SP140: variants seen among roughly 807,000 people sequenced by gnomAD.
The protein encoded by SP140 is SP140 nuclear body protein, also known as nuclear body protein SP140.
Under a neutral mutation model 125.0 loss-of-function variants are expected in SP140, and 81 were observed. That is an observed-to-expected ratio of 0.65 (90% CI 0.54 to 0.78). SP140 has a LOEUF of 0.78. SP140 is among the 30% of genes least tolerant of loss of function. The pLI is 0.00. For missense variants in SP140, 858 were observed against 1,037.0 expected, an observed-to-expected ratio of 0.83 and a Z score of 2.37; for synonymous variants, 312 against 354.0, an observed-to-expected ratio of 0.88 and a Z score of 1.33.
chr2:230,288,181 G>A (rs535029523), intron 18 of SP140: 45 of 468,144 alleles, frequency 9.6e-5, no homozygotes, highest in African/African-American at 7.9e-4. Flanking sequence ...CAGGGGCCCA[G>A]GGGCCACTAA....
upstream of SP140, chr2:230,202,754 A>C (rs200718758): frequency 2.4e-5 from 38 of 1,613,644 alleles, no homozygotes; most frequent in Non-Finnish European, 2.7e-5. Flanking sequence ...ACTTGTTAAT[A>C]GTTTAAATTG....
At chr2:230,311,130 A>G (rs2059296565) in intron 24 of SP140, 24 bp from the exon 25 acceptor site, 1 of 1,608,620 alleles carries the variant, frequency 6.2e-7, no homozygotes, top group Non-Finnish European at 8.5e-7. Context: ...GCTGCTTTTC[A>G]TTTACGGCCT....
At chr2:230,267,758 A>C (rs1448638132) in intron 12 of SP140, among the ~76,000 whole-genome samples, 1 of 152,250 alleles carries the variant, frequency 6.6e-6, no homozygotes, top group Non-Finnish European at 1.5e-5. Context: ...GGTGTGTTCC[A>C]CATGAATGAA....
At chr2:230,310,132 A>G in intron 23 of SP140, 93 bp downstream of exon 23, 1 of 1,232,494 alleles carries the variant, frequency 8.1e-7, no homozygotes, top group Admixed American at 2.0e-5. Flanking sequence ...TTGTGTCTAG[A>G]TGGGGAAAGA....
intron 15 of SP140, among the ~76,000 whole-genome samples, chr2:230,280,942 C>T (rs1385791221): frequency 1.3e-5 from 2 of 151,926 alleles, no homozygotes; most frequent in African/African-American, 2.4e-5. Context: ...GTTGGGTGTA[C>T]AACTTTTTCT....
rs149819977 is a variant in SP140 at position 230,244,971 on chromosome 2, G to T, written c.572-17G>T. On this transcript the variant is annotated splice_polypyrimidine_tract_variant and intron_variant, in intron 5 of 26. Coordinates refer to ENST00000392045, the MANE Select transcript of SP140 (RefSeq NM_007237.5). ...CTGAGGTCTGTGCTCTCATCACTGT[G>T]CCTTGTTTATTTCCAGGTTTCTCTT... 2.4e-4 allele frequency: 377 copies of T among 1,586,776 alleles called. 1 individual carries two copies. The East Asian group carries it at 3.1e-3, about 13-fold the overall frequency.
Position 230,245,867 on chromosome 2 carries a change from C to G in SP140, c.669C>G (p.Ser223=). 1 of 1,599,470 alleles carries G rather than the reference C, an allele frequency of 6.3e-7. No homozygotes were observed. The highest frequency in any genetic ancestry group is 8.6e-7 in the Non-Finnish European group (1 of 1,166,708). ...TGTTCCTCTTTCACTCTGCAGTGTC[C>G]TGTAAACTTGCTATACAAATAGATG... is the stretch of plus-strand genomic sequence containing the variant. ...APSLLPGGGV[S]CKLAIQIDEG... is the part of the protein sequence containing the mutation. The change falls in exon 7 of 27, where the codon TCC becomes TCG. Residue 223 remains serine, a synonymous_variant. Coordinates refer to ENST00000392045, the MANE Select transcript of SP140 (RefSeq NM_007237.5).
intron 5 of SP140, 84 bp downstream of exon 5, chr2:230,243,895 C>A: frequency 1.1e-6 from 1 of 927,434 alleles, no homozygotes. Flanking sequence ...ATGCATTTTA[C>A]TCTGAGTACA....
At chr2:230,290,774 C>A (rs917695446) in intron 19 of SP140, among the ~76,000 whole-genome samples, 5 of 152,136 alleles carry the variant, frequency 3.3e-5, no homozygotes, top group African/African-American at 1.2e-4. Context: ...CCAGAGGGTG[C>A]CCAAAGAACC....
intron 9 of SP140, among the ~76,000 whole-genome samples, chr2:230,249,868 C>A (rs1025247151): frequency 6.6e-6 from 1 of 152,112 alleles, no homozygotes; most frequent in Non-Finnish European, 1.5e-5. Flanking sequence ...TCCAGGCCCC[C>A]CTAGGTAGAC....
chr2:230,190,259 G>A, the SP140 span, among the ~76,000 whole-genome samples: 1 of 152,180 alleles, frequency 6.6e-6, no homozygotes, highest in East Asian at 1.9e-4. Context: ...ACTGGCATGA[G>A]ATGGTCTCTC....
intron 1 of SP140, among the ~76,000 whole-genome samples, chr2:230,229,456 CTTTTTTTTTTTTTTTT>C (rs1163771237): frequency 1.7e-5 from 1 of 57,612 alleles, no homozygotes; most frequent in South Asian, 6.6e-4. Flanking sequence ...TGAAGAAATT[CTTTTTTTTTTTTTTTT>C]TTTTTTTTTT....
rs140739193 is a variant in SP140, at chr2:230,241,271, A to T, written c.407-133A>T. On this transcript the variant is annotated intron_variant, in intron 3 of 26. Coordinates refer to ENST00000392045, the MANE Select transcript of SP140 (RefSeq NM_007237.5). Reference sequence around the variant, plus strand: ...AGATATGTGCCTCTCAATGAAAAAAAGGGGAACAAGGCTCTGTTGGACCTC... The same window carrying T: ...AGATATGTGCCTCTCAATGAAAAAATGGGGAACAAGGCTCTGTTGGACCTC... The T allele has an allele frequency of 8.5e-4, 561 of 658,862 alleles. 2 individuals are homozygous for T. Among genetic ancestry groups the T allele is most frequent in the African/African-American group, 7.7e-3 (417 of 54,320 alleles). 40.8% of individuals were successfully genotyped at this position (658,862 alleles called of 1,614,324 possible). A position where few individuals can be genotyped will look rare whatever the true frequency, so the allele number is the denominator to read the frequency against.
chr2:230,276,246 T>C (rs1307540388), intron 15 of SP140, among the ~76,000 whole-genome samples: 1 of 152,136 alleles, frequency 6.6e-6, no homozygotes, highest in African/African-American at 2.4e-5. Flanking sequence ...GTTTCAAAGC[T>C]CCACAGAACA....
At position 230,269,841 on chromosome 2, in the gene SP140, G is replaced by A. The variant is rs760297111; in HGVS notation, c.1332G>A (p.Ala444=). The change falls in exon 14 of 27, where the codon GCG becomes GCA. Residue 444 remains alanine, a synonymous_variant. Transcript: ENST00000392045. The part of the protein sequence containing the change: ...SSLLYDNVPG[A]EQSAYENEKC... Reference sequence around the variant, plus strand: ...TGAATCACAATTTTGGCCCAGGAGCGGAGCAATCAGCATATGAAAATGAGA... The same window carrying A: ...TGAATCACAATTTTGGCCCAGGAGCAGAGCAATCAGCATATGAAAATGAGA... 2.5e-5 allele frequency: 41 copies of A among 1,612,956 alleles called. No individual in the cohort carries two copies. The African/African-American group carries it at 3.6e-4, about 14-fold the overall frequency.
Position 230,211,260 on chromosome 2 carries a change from C to A in SP140, c.-322-2394C>A, listed in dbSNP as rs531447750. Among the ~76,000 whole-genome samples the A allele has an allele frequency of 6.6e-6, 1 of 152,278 alleles. No individual in the cohort carries two copies. Among genetic ancestry groups the A allele is most frequent in the East Asian group, 1.9e-4 (1 of 5,174 alleles). ...TCCAAGTCTACCTTTTCCAGACTTG[C>A]CTCCTTTGCCCTCCCCCAGGGACTC... On this transcript the variant is annotated intron_variant, in intron 1 of 4. Coordinates refer to the SP140 transcript ENST00000456542. The surrounding 1 kb of genome is among the most constrained non-coding windows in gnomAD (Gnocchi z 4.2).
chr2:230,243,750 T>C lies in SP140; in HGVS notation c.510T>C (p.His170=). ...YGKQENSNAC[H]EMDDIAVPQE... The stretch of plus-strand genomic sequence containing the variant: ...CGGCAGAGAACAGCAATGCCTGTCA[T>C]GAAATGGATGATATAGCAGTGCCTC... The change falls in exon 5 of 27, where the codon CAT becomes CAC. Residue 170 remains histidine (H), a synonymous_variant. Transcript: ENST00000392045. 1.9e-6 allele frequency: 3 copies of C among 1,612,488 alleles called. No individual in the cohort carries two copies. Among genetic ancestry groups the C allele is most frequent in the Non-Finnish European group, 2.5e-6 (3 of 1,178,924 alleles).
At chr2:230,192,921 A>G in the SP140 span, among the ~76,000 whole-genome samples, 508 of 152,230 alleles carry the variant, frequency 3.3e-3, 3 homozygotes, top group Middle Eastern at 0.024. Context: ...TTCTGTCTCA[A>G]TGATCTCTCT....
At chr2:230,285,669 A>G in intron 16 of SP140, 83 bp from the exon 17 acceptor site, 1 of 1,136,036 alleles carries the variant, frequency 8.8e-7, no homozygotes, top group East Asian at 2.4e-5. Flanking sequence ...GAGACCCAGG[A>G]CTCCCTCACT....
Sources: gnomAD v4.1 joint callset for allele counts (sites outside exome capture counted in the v4.1 genomes callset) on GRCh38, gnomAD v4.1.1 for gene constraint, Gnocchi (gnomAD v3.1) non-coding constraint, MANE v1.5 for transcripts, NCBI Gene and HGNC (gene_info 2026-07-23, HGNC 2026-07-21) for gene names.